Variants in LRP1B observed in about 807,000 individuals in gnomAD.
The protein encoded by LRP1B is low-density lipoprotein receptor-related protein 1B.
Under a neutral mutation model 556.6 loss-of-function variants are expected in LRP1B, and 217 were observed. The observed-to-expected ratio is 0.39, with a 90% CI of 0.35 to 0.44. The LOEUF (loss-of-function observed/expected upper bound fraction) is 0.44. Among genes scored for constraint, LRP1B ranks in the 20% least tolerant of loss-of-function variants. The pLI, the probability that LRP1B is intolerant of heterozygous loss-of-function variation, is 1.00. For synonymous variants in LRP1B, 2,047 were observed against 1,865.8 expected (o/e 1.10, Z -2.50); for missense variants, 5,053 against 5,620.8 (o/e 0.90, Z 3.23).
At chr2:140,875,749 AT>A (rs1693285104) in intron 25 of LRP1B, among the ~76,000 whole-genome samples, 1 of 152,182 alleles carries the variant, frequency 6.6e-6, no homozygotes, top group South Asian at 2.1e-4. Context: ...TACAGGAAGC[AT>A]TGTCAATTGT....
chr2:141,779,128 T>C (rs957389945), intron 2 of LRP1B, among the ~76,000 whole-genome samples: 1 of 152,198 alleles, frequency 6.6e-6, no homozygotes, highest in Non-Finnish European at 1.5e-5. Flanking sequence ...ATATAACACG[T>C]TGAAAGCCAA....
chr2:140,713,291 T>A (rs1687097699), intron 37 of LRP1B, among the ~76,000 whole-genome samples: 1 of 151,724 alleles, frequency 6.6e-6, no homozygotes, highest in South Asian at 2.1e-4. Flanking sequence ...CTGACTCCCT[T>A]TGGTATTGGG....
chr2:141,439,756 A>G (rs1018063734), intron 3 of LRP1B, among the ~76,000 whole-genome samples: 5 of 152,204 alleles, frequency 3.3e-5, no homozygotes, highest in African/African-American at 1.2e-4. Context: ...ACACTCACAC[A>G]CAACCTTGAT....
chr2:140,425,990 TAAAG>T, intron 66 of LRP1B, among the ~76,000 whole-genome samples: 1 of 147,962 alleles, frequency 6.8e-6, no homozygotes, highest in East Asian at 1.9e-4. Flanking sequence ...ATTTGTTAAA[TAAAG>T]AAATTTTATA....
chr2:141,923,303 T>G (rs1235618440), intron 1 of LRP1B, among the ~76,000 whole-genome samples: 1 of 150,462 alleles, frequency 6.6e-6, no homozygotes, highest in Non-Finnish European at 1.5e-5. Flanking sequence ...TAAAAATAAT[T>G]TTTTAATGGT....
At chr2:140,544,043 A>T (rs1225704189) in intron 43 of LRP1B, among the ~76,000 whole-genome samples, 4 of 152,100 alleles carry the variant, frequency 2.6e-5, no homozygotes, top group Non-Finnish European at 5.9e-5. Context: ...GGAGAAGAAG[A>T]AGTATAATAT....
intron 3 of LRP1B, among the ~76,000 whole-genome samples, chr2:141,428,946 T>G (rs562050928): frequency 6.6e-6 from 1 of 152,194 alleles, no homozygotes; most frequent in Non-Finnish European, 1.5e-5. Flanking sequence ...GGTATTTATA[T>G]TACTGATTCA....
intron 35 of LRP1B, among the ~76,000 whole-genome samples, chr2:140,749,520 CT>C (rs1688498762): frequency 1.3e-5 from 2 of 151,862 alleles, no homozygotes; most frequent in African/African-American, 4.8e-5. Context: ...ACTTTTAAAA[CT>C]TTTTTGTTAA....
intron 2 of LRP1B, among the ~76,000 whole-genome samples, chr2:141,491,054 T>TAC (rs1683315960): frequency 1.3e-5 from 2 of 151,958 alleles, no homozygotes. Flanking sequence ...AAACAATGAA[T>TAC]CAGTCCTAGA....
At chr2:141,414,340 A>G (rs1322540370) in intron 3 of LRP1B, among the ~76,000 whole-genome samples, 1 of 145,464 alleles carries the variant, frequency 6.9e-6, no homozygotes, top group South Asian at 2.3e-4. Context: ...AGAAAGAGAG[A>G]GAGAGAGGAA....
At chr2:141,817,110 A>G (rs1014448970) in intron 1 of LRP1B, among the ~76,000 whole-genome samples, 3 of 152,202 alleles carry the variant, frequency 2.0e-5, no homozygotes, top group Non-Finnish European at 4.4e-5. Context: ...CTTGAATCAG[A>G]AGCTAAACAT....
intron 86 of LRP1B, among the ~76,000 whole-genome samples, chr2:140,263,789 T>C (rs946686859): frequency 7.5e-6 from 1 of 133,816 alleles, no homozygotes; most frequent in Non-Finnish European, 1.6e-5. Flanking sequence ...CAATAATCTC[T>C]TCAAAGTAAT....
intron 43 of LRP1B, among the ~76,000 whole-genome samples, chr2:140,559,052 C>A (rs943960709): frequency 6.6e-6 from 1 of 151,594 alleles, no homozygotes; most frequent in African/African-American, 2.4e-5. Flanking sequence ...GATAATAGTA[C>A]AGAAAAACAG....
At chr2:141,811,140 A>T (rs1696340235) in intron 1 of LRP1B, among the ~76,000 whole-genome samples, 2 of 152,040 alleles carry the variant, frequency 1.3e-5, no homozygotes, top group Admixed American at 1.3e-4. Flanking sequence ...TGTTTTCCAC[A>T]GCATATTTGC....
At chr2:140,600,719 C>T (rs1455691673) in intron 42 of LRP1B, among the ~76,000 whole-genome samples, 1 of 137,824 alleles carries the variant, frequency 7.3e-6, no homozygotes, top group African/African-American at 2.6e-5. Context: ...GAGTGAAAGT[C>T]CATAGATAGG....
At position 141,018,502 on chromosome 2, in the gene LRP1B, C is replaced by T. The variant is rs147796029; in HGVS notation, c.1970+1420G>A. Among the ~76,000 whole-genome samples the T allele has an allele frequency of 6.6e-5, 10 of 152,098 alleles. 1 individual carries two copies. The East Asian group carries it at 1.6e-3, about 24-fold the overall frequency. ...TCTGGATACCTACAAACTTGGGAGACGTTGAAGAGGATTTCTAAATTTGAT... is the reference window on the plus strand; with the variant it reads ...TCTGGATACCTACAAACTTGGGAGATGTTGAAGAGGATTTCTAAATTTGAT... On this transcript the variant is annotated intron_variant, in intron 12 of 90. Coordinates refer to ENST00000389484, the MANE Select transcript of LRP1B (RefSeq NM_018557.3).
chr2:141,674,934 T>C (rs904221780), intron 2 of LRP1B, among the ~76,000 whole-genome samples: 1 of 152,076 alleles, frequency 6.6e-6, no homozygotes, highest in Non-Finnish European at 1.5e-5. Flanking sequence ...GTTAGTGTCC[T>C]CAAAAACGCT....
At chr2:141,760,824 T>C (rs954157711) in intron 2 of LRP1B, among the ~76,000 whole-genome samples, 4 of 152,242 alleles carry the variant, frequency 2.6e-5, no homozygotes, top group African/African-American at 9.6e-5. Flanking sequence ...GAGTCACTTG[T>C]AACATGGTGC....
intron 1 of LRP1B, among the ~76,000 whole-genome samples, chr2:142,043,945 A>C (rs1240830691): frequency 1.3e-5 from 2 of 151,762 alleles, no homozygotes; most frequent in Non-Finnish European, 3.0e-5. Context: ...TAGCCTGGAC[A>C]ATTTGTGAAT....
Sources: gnomAD v4.1 joint callset for allele counts (sites outside exome capture counted in the v4.1 genomes callset) on GRCh38, gnomAD v4.1.1 for gene constraint, MANE v1.5 for transcripts, NCBI Gene and HGNC (gene_info 2026-07-23, HGNC 2026-07-21) for gene names.